PEX1: variants seen among roughly 807,000 people sequenced by gnomAD.
PEX1 encodes peroxisomal ATPase PEX1.
Under a neutral mutation model 152.5 loss-of-function variants are expected in PEX1, and 97 were observed. The observed-to-expected ratio is 0.64, with a 90% CI of 0.54 to 0.75. The LOEUF (loss-of-function observed/expected upper bound fraction) is 0.75, where lower values mean the gene tolerates loss of function less well. Ranked by LOEUF, PEX1 falls within the 30% of genes least tolerant of loss-of-function variation. The pLI, the probability that PEX1 is intolerant of heterozygous loss-of-function variation, is 0.00. For missense variants in PEX1, 1,357 were observed against 1,516.3 expected (o/e 0.89, Z 1.74); for synonymous variants, 485 against 531.6 (o/e 0.91, Z 1.21).
chr7:92,517,461 C>T lies in PEX1; in HGVS notation c.1054G>A (p.Val352Met), dbSNP rs200563724. The part of the protein sequence containing the change: ...KQQQSKTKQN[V>M]LSPEKEKQMS... ...TGCTTCTCTTTTTCAGGTGATAACA[C>T]ATTTTGTTTTGTTTTACTTTGCTGT... The change falls in exon 5 of 24, where the codon GTG (valine) becomes ATG (methionine). Residue 352 changes from valine (V) to methionine (M), a missense_variant. By Grantham distance (21) the Val-to-Met change is conservative (BLOSUM62 1). Transcript: ENST00000248633. The T allele has an allele frequency of 3.7e-6, 6 of 1,613,884 alleles. No homozygotes were observed. The highest frequency in any genetic ancestry group is 2.2e-5 in the East Asian group (1 of 44,854).
Position 92,528,316 on chromosome 7 carries a change from A to G in PEX1, c.120T>C (p.His40=). ...HLPRRLVAQL[H]LLQNQAIEVV... The stretch of plus-strand genomic sequence containing the variant: ...GGGGCCGGCAGGTTACCTGCAGCAG[A>G]TGCAGCTGGGCCACGAGACGCCGCG... Residue 40 remains histidine, a synonymous_variant, in exon 1 of 24, where the codon CAT becomes CAC. Coordinates refer to ENST00000248633, the MANE Select transcript of PEX1 (RefSeq NM_000466.3). 1 of 1,561,534 alleles carries G rather than the reference A, an allele frequency of 6.4e-7. No homozygotes were observed. The highest frequency in any genetic ancestry group is 8.7e-7 in the Non-Finnish European group (1 of 1,154,814).
At chr7:92,528,240 C>A (rs764057966) in intron 1 of PEX1, 67 bp downstream of exon 1, 35 of 1,538,794 alleles carry the variant, frequency 2.3e-5, no homozygotes, top group Non-Finnish European at 3.1e-5. Flanking sequence ...CCCGCCGCGT[C>A]CCTGAGAGGC....
chr7:92,494,821 A>C lies in PEX1; in HGVS notation c.2784-192T>G, dbSNP rs1251908303. On this transcript the variant is annotated intron_variant, in intron 17 of 23. Transcript: ENST00000248633. ...TATAAATACATATAAATGTATTTATATATATTTATGTATTTATTTTAATCT... is the reference window on the plus strand; with the variant it reads ...TATAAATACATATAAATGTATTTATCTATATTTATGTATTTATTTTAATCT... Among the ~76,000 whole-genome samples the C allele has an allele frequency of 2.0e-5, 3 of 151,268 alleles. No homozygotes were observed. In the East Asian group the frequency reaches 5.8e-4, roughly 29 times the overall value.
intron 3 of PEX1, 162 bp downstream of exon 3, chr7:92,518,833 G>A (rs537239725): frequency 3.1e-6 from 2 of 649,880 alleles, no homozygotes; most frequent in East Asian, 2.9e-5. Context: ...GCCTCCCAAA[G>A]TGCTGGGACT....
At chr7:92,515,080 T>TCC (rs1792670690) in intron 5 of PEX1, among the ~76,000 whole-genome samples, 4 of 746 alleles carry the variant, frequency 5.4e-3, no homozygotes, top group African/African-American at 0.043. Flanking sequence ...TATATATATA[T>TCC]ATATATATAT....
chr7:92,499,802 T>C lies in PEX1; in HGVS notation c.2620A>G (p.Arg874Gly), dbSNP rs1791835892. 1 of 1,612,156 alleles carries C rather than the reference T, an allele frequency of 6.2e-7. No homozygotes were observed. ...GGACCATACAACAGTATTCCTGTTC[T>C]TTGTCGTATGGGCAAGTTTGCAAAT... The part of the protein sequence containing the change: ...ELFANLPIRQ[R>G]TGILLYGPPG... The change falls in exon 16 of 24, where the codon AGA becomes GGA. Residue 874 changes from arginine (R) to glycine (G), a missense_variant. Coordinates refer to ENST00000248633, the MANE Select transcript of PEX1 (RefSeq NM_000466.3).
At position 92,494,549 on chromosome 7, in the gene PEX1, C is replaced by T. The variant is rs1791550170; in HGVS notation, c.2864G>A (p.Gly955Glu). 5 of 1,613,744 alleles carry T rather than the reference C, an allele frequency of 3.1e-6. No individual in the cohort carries two copies. In the East Asian group the frequency reaches 8.9e-5, roughly 29 times the overall value. ...CTGGTTAACTACTCGGTCTGTAACTCCTGTATTATCATGACCCCGCCGAGG... is the reference window on the plus strand; with the variant it reads ...CTGGTTAACTACTCGGTCTGTAACTTCTGTATTATCATGACCCCGCCGAGG... Reference protein sequence around the residue: ...IAPRRGHDNTGVTDRVVNQLL... With the variant: ...IAPRRGHDNTEVTDRVVNQLL... Residue 955 changes from glycine (G) to glutamate (E), a missense_variant, in exon 18 of 24, where the codon GGA becomes GAA. Gly to Glu is a moderately conservative substitution (Grantham distance 98). Transcript: ENST00000248633.
Position 92,517,499 on chromosome 7 carries a change from A to C in PEX1, c.1016T>G (p.Leu339Arg). 1 of 1,614,080 alleles carries C rather than the reference A, an allele frequency of 6.2e-7. No homozygotes were observed. Among genetic ancestry groups the C allele is most frequent in the Non-Finnish European group, 8.5e-7 (1 of 1,180,020 alleles). Residue 339 changes from leucine to arginine, a missense_variant, in exon 5 of 24, where the codon CTT becomes CGT. Physicochemically the swap from Leu to Arg is moderately radical, Grantham distance 102. Transcript: ENST00000248633. ...TTTACTTTGCTGTTGCTTTGGAGAAAGTAGCTTAACTAGCTTTCCATATGT... is the reference window on the plus strand; with the variant it reads ...TTTACTTTGCTGTTGCTTTGGAGAACGTAGCTTAACTAGCTTTCCATATGT... ...TVTYGKLVKLLSPKQQQSKTK... is the reference protein window; with the variant it reads ...TVTYGKLVKLRSPKQQQSKTK...
Position 92,493,129 on chromosome 7 carries a change from C to G in PEX1, c.3031G>C (p.Val1011Leu). Residue 1011 changes from valine (V) to leucine (L), a missense_variant and splice_region_variant, in exon 20 of 24, where the codon GTG (valine) becomes CTG (leucine). Val to Leu is a conservative substitution (Grantham distance 32, BLOSUM62 1). Transcript: ENST00000248633. The stretch of plus-strand genomic sequence containing the variant: ...ACATTTAAAATTTCAAGACGTGACA[C>G]CTGAAAGGAGAAAAATTTATTTAAC... ...KCVYCPPPDQ[V>L]SRLEILNVLS... is the part of the protein sequence containing the mutation. 1 of 1,556,558 alleles carries G rather than the reference C, an allele frequency of 6.4e-7. No homozygotes were observed. Among genetic ancestry groups the G allele is most frequent in the African/African-American group, 1.4e-5 (1 of 73,852 alleles).
chr7:92,494,157 A>G, intron 19 of PEX1, 136 bp downstream of exon 19: 2 of 733,456 alleles, frequency 2.7e-6, no homozygotes, highest in Non-Finnish European at 4.9e-6. Context: ...TTATGCTTTG[A>G]GCAAACAGTG....
chr7:92,507,439 C>T (rs1489238687), intron 9 of PEX1: 11 of 295,360 alleles, frequency 3.7e-5, no homozygotes, highest in East Asian at 3.5e-4. Flanking sequence ...GTTGTAGAGA[C>T]GGGGTTTTGC....
chr7:92,519,532 A>G (rs1585257773), intron 2 of PEX1, among the ~76,000 whole-genome samples: 1 of 152,390 alleles, frequency 6.6e-6, no homozygotes, highest in East Asian at 1.9e-4. Context: ...TTTTTCAAAA[A>G]TGAAAGTAAT....
chr7:92,516,058 A>G (rs199935597), intron 5 of PEX1, among the ~76,000 whole-genome samples: 15,199 of 57,550 alleles, frequency 0.26, 930 homozygotes, highest in South Asian at 0.36. Flanking sequence ...GAAGAGAAAA[A>G]AGAAAAGAAA....
At chr7:92,526,947 T>G (rs553175002) in intron 1 of PEX1, among the ~76,000 whole-genome samples, 1 of 152,304 alleles carries the variant, frequency 6.6e-6, no homozygotes, top group Non-Finnish European at 1.5e-5. Context: ...TTCTATAAAT[T>G]TATATAATTC....
chr7:92,487,505 A>G lies in PEX1; in HGVS notation c.3804T>C (p.Asn1268=). 1 of 1,594,680 alleles carries G rather than the reference A, an allele frequency of 6.3e-7. No homozygotes were observed. Residue 1268 remains asparagine (N), a synonymous_variant, in exon 24 of 24, where the codon AAT becomes AAC. Transcript: ENST00000248633. ...CAGGTCGAAACATTGTTCCACTTTG[A>G]TTTTTTCTCCTCTTTGGATTTTGAA... ...ESFQNPKRRK[N]QSGTMFRPGQ... is the part of the protein sequence containing the mutation.
At chr7:92,527,860 A>T (rs1490054466) in intron 1 of PEX1, among the ~76,000 whole-genome samples, 1 of 152,226 alleles carries the variant, frequency 6.6e-6, no homozygotes, top group Non-Finnish European at 1.5e-5. Flanking sequence ...TTTCCCGCTC[A>T]TGGGACGCGG....
rs61750419 is a variant in PEX1, at chr7:92,501,914, G to C, written c.2392C>G (p.Arg798Gly). ...VDRAIHSRLS[R>G]QSISTREKLV... is the part of the protein sequence containing the mutation. ...CTTTCTCTGGTGGATATACTCTGAC[G>C]AGAGAGTCGAGAATGTATGGCTCGA... Residue 798 changes from arginine (R) to glycine (G), a missense_variant, in exon 14 of 24, where the codon CGT (arginine) becomes GGT (glycine). Coordinates refer to ENST00000248633, the MANE Select transcript of PEX1 (RefSeq NM_000466.3). The C allele has an allele frequency of 5.0e-6, 8 of 1,613,620 alleles. No individual in the cohort carries two copies. The highest frequency in any genetic ancestry group is 6.8e-6 in the Non-Finnish European group (8 of 1,179,730).
intron 5 of PEX1, 89 bp downstream of exon 5, chr7:92,517,187 A>T: frequency 9.4e-7 from 1 of 1,068,564 alleles, no homozygotes. Context: ...ATTGATTTTC[A>T]ATTTATATAT....
rs576006768 is a variant in PEX1 at position 92,509,856 on chromosome 7, A to G, written c.1588-445T>C. 2.6e-5 allele frequency among the ~76,000 whole-genome samples: 4 copies of G among 152,182 alleles called. No individual in the cohort carries two copies. The South Asian group carries it at 8.3e-4, about 32-fold the overall frequency. ...CAAAAAATAATATTGTAAAAAGACCACTCTTGGCTGGGTGTGGTGGTTTAC... is the reference window on the plus strand; with the variant it reads ...CAAAAAATAATATTGTAAAAAGACCGCTCTTGGCTGGGTGTGGTGGTTTAC... On this transcript the variant is annotated intron_variant, in intron 8 of 23. Transcript: ENST00000248633.
Sources: gnomAD v4.1 joint callset for allele counts (sites outside exome capture counted in the v4.1 genomes callset) on GRCh38, gnomAD v4.1.1 for gene constraint, MANE v1.5 for transcripts, NCBI Gene and HGNC (gene_info 2026-07-23, HGNC 2026-07-21) for gene names.